Variants in CHST9 observed in about 807,000 individuals in gnomAD.
CHST9 encodes GalNAc-4-sulfotransferase 2.
In CHST9, 41 loss-of-function variants were observed where a neutral mutation model predicts 44.4. That is an observed-to-expected ratio of 0.92 (90% CI 0.72 to 1.20). The LOEUF (loss-of-function observed/expected upper bound fraction) is 1.20. Among genes scored for constraint, CHST9 ranks in the 50% most tolerant of loss-of-function variants. The pLI is 0.00. For missense variants in CHST9, 504 were observed against 516.5 expected, an observed-to-expected ratio of 0.98 and a Z score of 0.23; for synonymous variants, 171 against 178.4, an observed-to-expected ratio of 0.96 and a Z score of 0.33.
chr18:26,965,600 T>G (rs1300943594), intron 4 of CHST9, among the ~76,000 whole-genome samples: 1 of 152,172 alleles, frequency 6.6e-6, no homozygotes, highest in African/African-American at 2.4e-5. Flanking sequence ...AGCCACTGAT[T>G]GCAAATCAGA....
intron 4 of CHST9, among the ~76,000 whole-genome samples, chr18:26,948,124 A>G (rs2056191954): frequency 6.6e-6 from 1 of 152,184 alleles, no homozygotes; most frequent in Non-Finnish European, 1.5e-5. Context: ...GGAAACCATC[A>G]TTCTCAGCAA....
At chr18:27,053,038 T>A (rs1212887697) in intron 2 of CHST9, among the ~76,000 whole-genome samples, 1 of 149,798 alleles carries the variant, frequency 6.7e-6, no homozygotes, top group Non-Finnish European at 1.5e-5. Context: ...GGTATTCCTA[T>A]GTAACAAACC....
At chr18:27,141,469 T>G (rs928901295) in intron 2 of CHST9, among the ~76,000 whole-genome samples, 16 of 151,706 alleles carry the variant, frequency 1.1e-4, no homozygotes, top group Non-Finnish European at 2.2e-4. Flanking sequence ...TTTGTGCCTG[T>G]AGACCCAGCT....
chr18:26,949,497 A>C (rs1028420743), intron 4 of CHST9, among the ~76,000 whole-genome samples: 3 of 152,108 alleles, frequency 2.0e-5, no homozygotes, highest in African/African-American at 7.2e-5. Context: ...CTAGAAACAT[A>C]GTGAGACCCT....
intron 2 of CHST9, among the ~76,000 whole-genome samples, chr18:27,098,448 C>T (rs185168434): frequency 6.6e-6 from 1 of 152,188 alleles, no homozygotes; most frequent in East Asian, 1.9e-4. Flanking sequence ...AATCCCATTA[C>T]TGGTTATATA....
At chr18:27,091,098 T>C (rs2058064004) in intron 2 of CHST9, among the ~76,000 whole-genome samples, 1 of 152,256 alleles carries the variant, frequency 6.6e-6, no homozygotes, top group Non-Finnish European at 1.5e-5. Flanking sequence ...TTCTTCCATT[T>C]GTTTGTGTCC....
intron 4 of CHST9, among the ~76,000 whole-genome samples, chr18:26,949,704 G>A (rs2056217461): frequency 6.6e-6 from 1 of 152,140 alleles, no homozygotes; most frequent in Admixed American, 6.5e-5. Context: ...TGTGAATACG[G>A]GACCTTTCAT....
chr18:26,922,785 G>A (rs1353895993), intron 5 of CHST9, among the ~76,000 whole-genome samples: 1 of 152,076 alleles, frequency 6.6e-6, no homozygotes, highest in Non-Finnish European at 1.5e-5. Context: ...ACAGGCGCAT[G>A]CCACCACACC....
chr18:26,953,978 C>T (rs2056286668), intron 4 of CHST9, among the ~76,000 whole-genome samples: 1 of 152,206 alleles, frequency 6.6e-6, no homozygotes. Flanking sequence ...ATCTATTCCT[C>T]TTTCCTGGGG....
intron 2 of CHST9, among the ~76,000 whole-genome samples, chr18:27,078,977 A>G (rs1202156192): frequency 6.6e-6 from 1 of 152,186 alleles, no homozygotes; most frequent in African/African-American, 2.4e-5. Context: ...GGTTAGGACC[A>G]AATACTGAGT....
At chr18:27,053,259 A>AAGAAGAAGAAGAAGAAGGAGAAGG (rs2057603698) in intron 2 of CHST9, among the ~76,000 whole-genome samples, 1 of 70,900 alleles carries the variant, frequency 1.4e-5, no homozygotes, top group Non-Finnish European at 2.9e-5. Context: ...GAAGAAGAAG[A>AAGAAGAAGAAGAAGAAGGAGAAGG]AGGAGAAGGA....
chr18:27,089,755 AGT>A (rs1023492700), intron 2 of CHST9, among the ~76,000 whole-genome samples: 1 of 151,338 alleles, frequency 6.6e-6, no homozygotes, highest in Non-Finnish European at 1.5e-5. Flanking sequence ...TCCCACCAAC[AGT>A]GTAAATGCGT....
chr18:27,132,262 A>G (rs960561305), intron 2 of CHST9, among the ~76,000 whole-genome samples: 1 of 152,220 alleles, frequency 6.6e-6, no homozygotes, highest in African/African-American at 2.4e-5. Context: ...TCAGGTTTTG[A>G]CTTTTCTTCA....
intron 4 of CHST9, among the ~76,000 whole-genome samples, chr18:26,981,919 T>A (rs897505207): frequency 2.6e-5 from 4 of 152,194 alleles, no homozygotes; most frequent in African/African-American, 9.7e-5. Context: ...TCAGCTGCAA[T>A]ATTTCTTCTA....
intron 4 of CHST9, among the ~76,000 whole-genome samples, chr18:26,983,482 TG>T (rs1329527238): frequency 1.3e-5 from 2 of 152,276 alleles, no homozygotes; most frequent in East Asian, 3.9e-4. Context: ...GTGACATGCC[TG>T]CTCCCTCTTT....
At chr18:26,947,844 C>T (rs1262713073) in intron 4 of CHST9, among the ~76,000 whole-genome samples, 1 of 152,202 alleles carries the variant, frequency 6.6e-6, no homozygotes, top group Non-Finnish European at 1.5e-5. Flanking sequence ...TGTGGCGACT[C>T]CTCAAGGACC....
chr18:27,105,725 T>C (rs771919935), intron 2 of CHST9, among the ~76,000 whole-genome samples: 3 of 152,212 alleles, frequency 2.0e-5, no homozygotes, highest in Non-Finnish European at 2.9e-5. Flanking sequence ...GCATGTGTGA[T>C]TGTGATTACA....
At chr18:26,936,256 G>A (rs995029587) in intron 5 of CHST9, 2 of 151,774 alleles carry the variant, frequency 1.3e-5, no homozygotes, top group African/African-American at 4.8e-5. Flanking sequence ...ATGACTACTC[G>A]AATACTTCTT....
chr18:27,121,075 C>T (rs112875147), intron 2 of CHST9, among the ~76,000 whole-genome samples: 2,707 of 152,280 alleles, frequency 0.018, 70 homozygotes, highest in African/African-American at 0.06. Flanking sequence ...AATCACGGCT[C>T]ACTGAAGCCT....
Sources: gnomAD v4.1 joint callset for allele counts (sites outside exome capture counted in the v4.1 genomes callset) on GRCh38, gnomAD v4.1.1 for gene constraint, MANE v1.5 for transcripts, NCBI Gene and HGNC (gene_info 2026-07-23, HGNC 2026-07-21) for gene names.